The following PEX11B variants were observed in gnomAD, a reference collection of about 807,000 sequenced individuals.
PEX11B encodes the protein peroxisomal membrane protein 11B.
A neutral mutation model predicts 28.2 loss-of-function variants in PEX11B; 18 were observed. That is an observed-to-expected ratio of 0.64 (90% CI 0.44 to 0.95). PEX11B has a LOEUF of 0.95. PEX11B is among the 40% of genes least tolerant of loss of function. The pLI, the probability that PEX11B is intolerant of heterozygous loss-of-function variation, is 0.00. For synonymous variants in PEX11B, 128 were observed against 128.7 expected (o/e 0.99, Z 0.04); for missense variants, 305 against 319.8 (o/e 0.95, Z 0.35).
At chr1:145,918,247 T>C in intron 1 of PEX11B, 8 of 985,158 alleles carry the variant, frequency 8.1e-6, no homozygotes, top group Non-Finnish European at 9.6e-6. Flanking sequence ...GGCAGGGGAG[T>C]TCCCGAATGG....
chr1:145,912,329 A>G lies in PEX11B; in HGVS notation c.612T>C (p.His204=), dbSNP rs782458879. Residue 204 remains histidine (H), a synonymous_variant, in exon 4 of 4, where the codon CAT becomes CAC. Transcript: ENST00000369306. The part of the protein sequence containing the change: ...VLLLARVLRG[H]PPLLLDVVRN... ...TGACCACGTCTAGCAGAAGTGGGGG[A>G]TGACCTCTAAGGACTCGAGCCAGGA... 6.2e-7 allele frequency: 1 copy of G among 1,613,988 alleles called. No individual in the cohort carries two copies. The highest frequency in any genetic ancestry group is 8.5e-7 in the Non-Finnish European group (1 of 1,179,972).
intron 3 of PEX11B, among the ~76,000 whole-genome samples, chr1:145,913,592 AACACACACACAC>A (rs56031424): frequency 1.1e-3 from 160 of 142,800 alleles, no homozygotes; most frequent in African/African-American, 3.6e-3. Flanking sequence ...TCCACTTGGC[AACACACACACAC>A]ACACACACAC....
Position 145,917,032 on chromosome 1 carries a change from G to C in PEX11B, c.173-14C>G, listed in dbSNP as rs376284863. 28 of 1,567,868 alleles carry C rather than the reference G, an allele frequency of 1.8e-5. No individual in the cohort carries two copies. The highest frequency in any genetic ancestry group is 2.4e-5 in the Non-Finnish European group (27 of 1,138,088). ...CCAGGCGTAGAACTTGTGGAGATTAGAAAGGGAAAGCAAGGATTTGTAAGT... is the reference window on the plus strand; with the variant it reads ...CCAGGCGTAGAACTTGTGGAGATTACAAAGGGAAAGCAAGGATTTGTAAGT... On this transcript the variant is annotated splice_polypyrimidine_tract_variant and intron_variant, in intron 2 of 3. Coordinates refer to ENST00000369306, the MANE Select transcript of PEX11B (RefSeq NM_003846.3).
In PEX11B at chr1:145,918,656, G is replaced by A. The variant is rs1553754376; in HGVS notation, c.33C>T (p.Ser11=). The A allele has an allele frequency of 5.0e-6, 8 of 1,594,172 alleles. No homozygotes were observed. The highest frequency in any genetic ancestry group is 6.8e-6 in the Non-Finnish European group (8 of 1,171,322). Residue 11 remains serine, a synonymous_variant, in exon 1 of 4, where the codon AGC becomes AGT. Coordinates refer to ENST00000369306, the MANE Select transcript of PEX11B (RefSeq NM_003846.3). ...ACCTACACAGCCGCTCCCGGGCTTG[G>A]CTCTGAGCACTGAAGCGGACCCAGG... The part of the protein sequence containing the change: MDAWVRFSAQ[S]QARERLCRAA...
Position 145,912,075 on chromosome 1 carries a change from A to C in PEX11B, c.*86T>G. Reference sequence around the variant, plus strand: ...GAATTTCTAACTTTAACCAAAGAGTAGAATTCGAATGAGGCTGGCACATGG... The same window carrying C: ...GAATTTCTAACTTTAACCAAAGAGTCGAATTCGAATGAGGCTGGCACATGG... On this transcript the variant is annotated 3_prime_UTR_variant, in exon 4 of 4. Coordinates refer to ENST00000369306, the MANE Select transcript of PEX11B (RefSeq NM_003846.3). 1 of 1,040,430 alleles carries C rather than the reference A, an allele frequency of 9.6e-7. No individual in the cohort carries two copies. The highest frequency in any genetic ancestry group is 1.3e-6 in the Non-Finnish European group (1 of 747,298). 64.4% of individuals were successfully genotyped at this position (1,040,430 alleles called of 1,614,324 possible).
intron 3 of PEX11B, among the ~76,000 whole-genome samples, chr1:145,912,988 T>A (rs587641561): frequency 6.6e-6 from 1 of 150,998 alleles, no homozygotes; most frequent in South Asian, 2.1e-4. Flanking sequence ...CTTGGGAGGC[T>A]GAGGCATGAG....
chr1:145,918,139 G>A, intron 1 of PEX11B: 1 of 985,444 alleles, frequency 1.0e-6, no homozygotes, highest in Non-Finnish European at 1.2e-6. Context: ...ATCGATGAGG[G>A]GGAGGCAGAC....
At chr1:145,918,151 G>A (rs1647518037) in intron 1 of PEX11B, 13 of 985,458 alleles carry the variant, frequency 1.3e-5, no homozygotes, top group Non-Finnish European at 1.6e-5. Context: ...GAGGCAGACA[G>A]TTGGAGGGCA....
Position 145,911,407 on chromosome 1 carries a change from G to A in PEX11B, c.*754C>T. On this transcript the variant is annotated 3_prime_UTR_variant, in exon 4 of 4. Coordinates refer to ENST00000369306, the MANE Select transcript of PEX11B (RefSeq NM_003846.3). ...CTGAAAGGCTTGCTCTTCATTATTGGCATAGGCCACAGCTATTTACACAGA... is the reference window on the plus strand; with the variant it reads ...CTGAAAGGCTTGCTCTTCATTATTGACATAGGCCACAGCTATTTACACAGA... 6.6e-6 allele frequency: 1 copy of A among 152,548 alleles called. No homozygotes were observed. Among genetic ancestry groups the A allele is most frequent in the East Asian group, 1.9e-4 (1 of 5,280 alleles). The allele number at this position is 152,548 out of a possible 1,614,324, so 9.4% of individuals were successfully genotyped here. A position where few individuals can be genotyped will look rare whatever the true frequency, so the allele number is the denominator to read the frequency against.
chr1:145,918,125 C>G lies in PEX11B; in HGVS notation c.57-309G>C, dbSNP rs1189886950. The G allele has an allele frequency of 3.0e-6, 3 of 985,276 alleles. No homozygotes were observed. In the African/African-American group the frequency reaches 5.2e-5, roughly 17 times the overall value. The allele number at this position is 985,276 out of a possible 1,614,324, so 61.0% of individuals were successfully genotyped here. On this transcript the variant is annotated intron_variant, in intron 1 of 3. Coordinates refer to ENST00000369306, the MANE Select transcript of PEX11B (RefSeq NM_003846.3). Reference sequence around the variant, plus strand: ...ACAAGCACATCAGCGTGAGCATGTACGTGATCGATGAGGGGGAGGCAGACA... The same window carrying G: ...ACAAGCACATCAGCGTGAGCATGTAGGTGATCGATGAGGGGGAGGCAGACA...
At position 145,913,103 on chromosome 1, in the gene PEX11B, A is replaced by C. The variant is rs782460166; in HGVS notation, c.375-537T>G. ...ACTCTGTCTCAAAAAAAAAAAAAAA[A>C]GGCTAACTCATAGGGGCACAGAATA... is the stretch of plus-strand genomic sequence containing the variant. On this transcript the variant is annotated intron_variant, in intron 3 of 3. Transcript: ENST00000369306. 2.6e-3 allele frequency among the ~76,000 whole-genome samples: 393 copies of C among 151,182 alleles called. 1 individual carries two copies. Among genetic ancestry groups the C allele is most frequent in the Non-Finnish European group, 4.1e-3 (281 of 67,816 alleles).
chr1:145,913,802 A>C (rs1194924517), intron 3 of PEX11B, among the ~76,000 whole-genome samples: 3 of 152,214 alleles, frequency 2.0e-5, no homozygotes, highest in African/African-American at 4.8e-5. Flanking sequence ...AAATTTCTTC[A>C]GTAAAAAATC....
chr1:145,916,389 T>C (rs1553753911), intron 3 of PEX11B, among the ~76,000 whole-genome samples: 2 of 152,188 alleles, frequency 1.3e-5, no homozygotes. Flanking sequence ...CACAAATATA[T>C]ATGAGAAGTT....
chr1:145,917,242 C>T (rs1179966845), intron 2 of PEX11B, among the ~76,000 whole-genome samples: 2 of 152,038 alleles, frequency 1.3e-5, no homozygotes, highest in African/African-American at 4.8e-5. Flanking sequence ...ACCAGCCTGG[C>T]CAACATGGTG....
intron 3 of PEX11B, among the ~76,000 whole-genome samples, chr1:145,915,343 C>T (rs1647319007): frequency 6.6e-6 from 1 of 152,162 alleles, no homozygotes; most frequent in South Asian, 2.1e-4. Flanking sequence ...TTCCATACTG[C>T]TCCAGCCATG....
At chr1:145,914,237 G>A (rs1047547495) in intron 3 of PEX11B, among the ~76,000 whole-genome samples, 6 of 152,088 alleles carry the variant, frequency 3.9e-5, no homozygotes, top group African/African-American at 7.2e-5. Context: ...AGCTGGGTGT[G>A]GTGGCGCGTG....
At chr1:145,915,602 C>T (rs1367664478) in intron 3 of PEX11B, among the ~76,000 whole-genome samples, 1 of 151,918 alleles carries the variant, frequency 6.6e-6, no homozygotes, top group Non-Finnish European at 1.5e-5. Context: ...CTCTCTTGAC[C>T]CACTGCAATC....
Position 145,916,976 on chromosome 1 carries a change from T to A in PEX11B, c.215A>T (p.Lys72Ile), listed in dbSNP as rs782638912. 1 of 1,613,946 alleles carries A rather than the reference T, an allele frequency of 6.2e-7. No homozygotes were observed. Among genetic ancestry groups the A allele is most frequent in the Admixed American group, 1.7e-5 (1 of 60,018 alleles). The part of the protein sequence containing the change: ...GNSADALESA[K>I]RAVHLSDVVL... ...AACATCTGATAGGTGAACAGCTCTTTTGGCTGACTCAAGGGCATCTGCTGA... is the reference window on the plus strand; with the variant it reads ...AACATCTGATAGGTGAACAGCTCTTATGGCTGACTCAAGGGCATCTGCTGA... Residue 72 changes from lysine to isoleucine, a missense_variant, in exon 3 of 4, where the codon AAA (lysine) becomes ATA (isoleucine). Transcript: ENST00000369306.
In PEX11B at chr1:145,912,421, C is replaced by T. The variant is rs781943112; in HGVS notation, c.520G>A (p.Gly174Arg). ...VPGGSETGGL[G>R]GPGTPGGGLP... ...CCTCCTCCTGGAGTCCCTGGTCCCC[C>T]AAGTCCCCCAGTTTCACTTCCTCCT... Residue 174 changes from glycine (G) to arginine (R), a missense_variant, in exon 4 of 4, where the codon GGG becomes AGG. Transcript: ENST00000369306. 1.3e-6 allele frequency: 2 copies of T among 1,580,188 alleles called. No individual in the cohort carries two copies. The highest frequency in any genetic ancestry group is 1.7e-6 in the Non-Finnish European group (2 of 1,162,290).
Sources: gnomAD v4.1 joint callset for allele counts (sites outside exome capture counted in the v4.1 genomes callset) on GRCh38, gnomAD v4.1.1 for gene constraint, MANE v1.5 for transcripts, NCBI Gene and HGNC (gene_info 2026-07-23, HGNC 2026-07-21) for gene names.